Variants in E4F1 observed in about 807,000 individuals in gnomAD.
The protein encoded by E4F1 is transcription factor E4F1.
Under a neutral mutation model 72.9 loss-of-function variants are expected in E4F1, and 30 were observed. The observed-to-expected ratio is 0.41, with a 90% CI of 0.31 to 0.56. The LOEUF is 0.56. Among genes scored for constraint, E4F1 ranks in the 20% least tolerant of loss-of-function variants. E4F1 has a pLI of 0.25. For synonymous variants in E4F1, 542 were observed against 478.2 expected (o/e 1.13, Z -1.74); for missense variants, 1,091 against 1,117.5 (o/e 0.98, Z 0.34).
At chr16:2,224,431 G>A (rs1028243427) in intron 1 of E4F1, among the ~76,000 whole-genome samples, 2 of 152,216 alleles carry the variant, frequency 1.3e-5, no homozygotes, top group African/African-American at 4.8e-5. Context: ...AACCAGTCCT[G>A]ACAGGTGGAT....
intron 10 of E4F1, 25 bp downstream of exon 10, chr16:2,234,413 G>C: frequency 6.2e-7 from 1 of 1,610,894 alleles, no homozygotes; most frequent in Non-Finnish European, 8.5e-7. Context: ...GCAGGACCCT[G>C]GCGCCTGATC....
rs1048451524 is a variant in E4F1 at position 2,224,074 on chromosome 16, GC to G, written c.157+306del. On this transcript the variant is annotated intron_variant, in intron 1 of 13. Coordinates refer to ENST00000301727, the MANE Select transcript of E4F1 (RefSeq NM_004424.5). Reference sequence around the variant, plus strand: ...GACGCCGGCGTCCCGGCCCTTCTCTGCCTCCGATGCCTGAGCCTGGCCCTCC... The same window carrying G: ...GACGCCGGCGTCCCGGCCCTTCTCTGCTCCGATGCCTGAGCCTGGCCCTCC... 6 of 962,022 alleles carry G rather than the reference GC, an allele frequency of 6.2e-6. No homozygotes were observed. In the African/African-American group the frequency reaches 8.7e-5, roughly 14 times the overall value. The allele number at this position is 962,022 out of a possible 1,614,324, so 59.6% of individuals were successfully genotyped here.
chr16:2,234,702 C>T lies in E4F1; in HGVS notation c.1713C>T (p.Gly571=), dbSNP rs761238373. The part of the protein sequence containing the change: ...SLVRHVRHHT[G]EKPFKCYKCG... ...TGCGGCACGTGCGACACCACACAGG[C>T]GAGAAGCCGTTCAAGTGCTACAAGT... is the stretch of plus-strand genomic sequence containing the variant. Residue 571 remains glycine, a synonymous_variant, in exon 11 of 14, where the codon GGC becomes GGT. Transcript: ENST00000301727. 10 of 1,571,248 alleles carry T rather than the reference C, an allele frequency of 6.4e-6. No homozygotes were observed. The highest frequency in any genetic ancestry group is 4.1e-5 in the African/African-American group (3 of 73,942).
At chr16:2,230,158 A>T in intron 3 of E4F1, 1 of 182,518 alleles carries the variant, frequency 5.5e-6, no homozygotes, top group Non-Finnish European at 1.2e-5. Flanking sequence ...TGCCCTCCCC[A>T]GTGCTCCCTC....
At chr16:2,233,847 C>A in intron 8 of E4F1, 35 bp from the exon 9 acceptor site, 3 of 1,533,008 alleles carry the variant, frequency 2.0e-6, no homozygotes, top group South Asian at 1.2e-5. Flanking sequence ...GCACAGCCTG[C>A]CCCGGGTGCT....
At chr16:2,226,105 A>AG (rs1244194654) in intron 1 of E4F1, among the ~76,000 whole-genome samples, 1 of 152,140 alleles carries the variant, frequency 6.6e-6, no homozygotes. Context: ...AAGAAAAAAA[A>AG]AAAAGATGCA....
In E4F1 at chr16:2,232,906, C is replaced by T; in HGVS notation, c.881C>T (p.Ala294Val). 2 of 1,613,298 alleles carry T rather than the reference C, an allele frequency of 1.2e-6. No individual in the cohort carries two copies. The highest frequency in any genetic ancestry group is 1.7e-6 in the Non-Finnish European group (2 of 1,180,008). ...GTTGTCAGCAAAGAGGACGCACGTG[C>T]AGGTCAGCATGGTGCGGGCAGCTGC... is the stretch of plus-strand genomic sequence containing the variant. Reference protein sequence around the residue: ...DVVVSKEDARAGSGAGAAGLG... With the variant: ...DVVVSKEDARVGSGAGAAGLG... The change falls in exon 6 of 14, where the codon GCA becomes GTA. Residue 294 changes from alanine (A) to valine (V), a missense_variant and splice_region_variant. Around this residue, in one of 5 missense-constraint regions of E4F1, gnomAD observed 101 missense variants for 97.4 expected, o/e 1.04. Transcript: ENST00000301727.
intron 10 of E4F1, 70 bp from the exon 11 acceptor site, chr16:2,234,513 A>T: frequency 1.3e-6 from 2 of 1,552,038 alleles, no homozygotes; most frequent in Admixed American, 3.8e-5. Flanking sequence ...CCCTTGGGCC[A>T]CAGGCGGGAG....
chr16:2,229,544 C>G lies in E4F1; in HGVS notation c.310-26C>G, dbSNP rs374937976. The G allele has an allele frequency of 5.6e-6, 9 of 1,603,030 alleles. No individual in the cohort carries two copies. The African/African-American group carries it at 1.1e-4, about 19-fold the overall frequency. The stretch of plus-strand genomic sequence containing the variant: ...CTAACTCTGGAGCATACAGACGACT[C>G]CCCTGTTTTCTTCCCCCTTTGGCAG... On this transcript the variant is annotated intron_variant, in intron 2 of 13. Transcript: ENST00000301727.
In E4F1 at chr16:2,233,562, C is replaced by T; in HGVS notation, c.1181C>T (p.Pro394Leu). Residue 394 changes from proline (P) to leucine (L), a missense_variant, in exon 8 of 14, where the codon CCA becomes CTA. Transcript: ENST00000301727. Reference protein sequence around the residue: ...RAAGEEGALEPAPAAGSSPQP... With the variant: ...RAAGEEGALELAPAAGSSPQP... The stretch of plus-strand genomic sequence containing the variant: ...GCTGGGGAGGAGGGTGCCCTGGAGC[C>T]AGCTCCTGCTGCCGGGTCCAGTCCC... 5 of 1,510,942 alleles carry T rather than the reference C, an allele frequency of 3.3e-6. No individual in the cohort carries two copies. The highest frequency in any genetic ancestry group is 3.5e-6 in the Non-Finnish European group (4 of 1,129,142). 93.6% of individuals were successfully genotyped at this position (1,510,942 alleles called of 1,614,324 possible).
chr16:2,234,066 G>A (rs1422583619), intron 9 of E4F1, 76 bp downstream of exon 9: 3 of 1,540,468 alleles, frequency 1.9e-6, no homozygotes, highest in Non-Finnish European at 2.6e-6. Flanking sequence ...GGTGTCCAGG[G>A]TGGGTCCATA....
intron 1 of E4F1, among the ~76,000 whole-genome samples, chr16:2,225,871 G>T (rs1004610908): frequency 1.3e-5 from 2 of 151,776 alleles, no homozygotes; most frequent in Non-Finnish European, 2.9e-5. Flanking sequence ...TGAGACGGGC[G>T]GATCCCGAGG....
At position 2,234,155 on chromosome 16, in the gene E4F1, C is replaced by A; in HGVS notation, c.1376-16C>A. Reference sequence around the variant, plus strand: ...CGCGGGTGATGGGCTTGGCCTGATGCTGTGTGTGGCTGCAGGGCCGAGGCC... The same window carrying A: ...CGCGGGTGATGGGCTTGGCCTGATGATGTGTGTGGCTGCAGGGCCGAGGCC... On this transcript the variant is annotated splice_polypyrimidine_tract_variant and intron_variant, in intron 9 of 13. Coordinates refer to ENST00000301727, the MANE Select transcript of E4F1 (RefSeq NM_004424.5). The A allele has an allele frequency of 6.2e-7, 1 of 1,609,872 alleles. No homozygotes were observed. Among genetic ancestry groups the A allele is most frequent in the Non-Finnish European group, 8.5e-7 (1 of 1,178,972 alleles).
At chr16:2,233,671 G>A in intron 8 of E4F1, 24 bp downstream of exon 8, 1 of 1,525,432 alleles carries the variant, frequency 6.6e-7, no homozygotes, top group Non-Finnish European at 8.8e-7. Flanking sequence ...CCACCTGCGG[G>A]CTCCTCCCAG....
intron 2 of E4F1, among the ~76,000 whole-genome samples, chr16:2,228,877 G>A (rs145913612): frequency 5.9e-5 from 9 of 152,324 alleles, no homozygotes; most frequent in Non-Finnish European, 7.4e-5. Flanking sequence ...AGTCCCTAGG[G>A]ACTTCACACG....
intron 1 of E4F1, among the ~76,000 whole-genome samples, chr16:2,225,186 C>G (rs1377763318): frequency 2.0e-5 from 3 of 152,124 alleles, no homozygotes; most frequent in African/African-American, 7.2e-5. Context: ...GCTCTCCAGC[C>G]TGGGTGACAG....
At chr16:2,223,975 C>T (rs1233270973) in intron 1 of E4F1, 2 of 1,506,996 alleles carry the variant, frequency 1.3e-6, no homozygotes, top group African/African-American at 1.4e-5. Context: ...CGCCTGTCAT[C>T]CCCCCTCTCT....
In E4F1 at chr16:2,234,175, G is replaced by A. The variant is rs1255794979; in HGVS notation, c.1380G>A (p.Pro460=). ...LEAHKRGHTG[P]RPFACAQCGK... is the part of the protein sequence containing the mutation. Reference sequence around the variant, plus strand: ...TGATGCTGTGTGTGGCTGCAGGGCCGAGGCCGTTCGCCTGCGCGCAGTGTG... The same window carrying A: ...TGATGCTGTGTGTGGCTGCAGGGCCAAGGCCGTTCGCCTGCGCGCAGTGTG... Residue 460 remains proline (P), a synonymous_variant, in exon 10 of 14, where the codon CCG becomes CCA. Transcript: ENST00000301727. The A allele has an allele frequency of 5.6e-6, 9 of 1,611,482 alleles. No individual in the cohort carries two copies. Among genetic ancestry groups the A allele is most frequent in the African/African-American group, 2.7e-5 (2 of 75,056 alleles).
intron 2 of E4F1, 150 bp downstream of exon 2, chr16:2,228,673 G>A (rs1436105162): frequency 2.9e-6 from 3 of 1,042,720 alleles, no homozygotes; most frequent in Admixed American, 5.0e-5. Flanking sequence ...GGGAGGGTCC[G>A]GGTGTGTGAG....
Sources: allele counts gnomAD v4.1 joint callset (sites outside exome capture counted in the v4.1 genomes callset), GRCh38; gene constraint gnomAD v4.1.1; regional missense constraint gnomAD v4.1.1; transcripts MANE v1.5; gene names NCBI Gene and HGNC (gene_info 2026-07-23, HGNC 2026-07-21).